The following NSMAF variants were observed in gnomAD, a reference collection of about 807,000 sequenced individuals.
The protein encoded by NSMAF is neutral sphingomyelinase activation associated factor, also known as protein FAN.
Under a neutral mutation model 134.9 loss-of-function variants are expected in NSMAF, and 90 were observed. The ratio of observed to expected loss-of-function variants is 0.67; its 90% CI spans 0.56 to 0.79. The LOEUF (loss-of-function observed/expected upper bound fraction) is 0.79, where lower values mean the gene tolerates loss of function less well. Ranked by LOEUF, NSMAF falls within the 30% of genes least tolerant of loss-of-function variation. The pLI is 0.00. For missense variants in NSMAF, 1,010 were observed against 1,119.0 expected, an observed-to-expected ratio of 0.90 and a Z score of 1.39; for synonymous variants, 358 against 389.6, an observed-to-expected ratio of 0.92 and a Z score of 0.96.
Position 58,594,114 on chromosome 8 carries a change from A to G in NSMAF, c.1951+118T>C, listed in dbSNP as rs114434538. 1,047 of 794,432 alleles carry G rather than the reference A, an allele frequency of 1.3e-3. 11 individuals carry two copies. The African/African-American group carries it at 0.016, about 12-fold the overall frequency. The allele number at this position is 794,432 out of a possible 1,614,324, so 49.2% of individuals were successfully genotyped here. ...AATGTACCACAAAGGAACTGCTCTA[A>G]GTTTACTTTATGTGGAGGCAGCACA... On this transcript the variant is annotated intron_variant, in intron 23 of 30. Transcript: ENST00000038176.
In NSMAF at chr8:58,623,754, C is replaced by A. The variant is rs764905897; in HGVS notation, c.411G>T (p.Leu137Phe). The change falls in exon 7 of 31, where the codon TTG (leucine) becomes TTT (phenylalanine). Residue 137 changes from leucine to phenylalanine, a missense_variant. By Grantham distance (22) the Leu-to-Phe change is conservative. Coordinates refer to ENST00000038176, the MANE Select transcript of NSMAF (RefSeq NM_003580.4). The part of the protein sequence containing the change: ...ERGKMEYVFE[L>F]DVPGKVEDVV... ...CATCTTCCACTTTCCCGGGAACATC[C>A]AATTCAAAAACATATTCCATTTTGC... is the stretch of plus-strand genomic sequence containing the variant. 6.2e-7 allele frequency: 1 copy of A among 1,613,996 alleles called. No homozygotes were observed. The highest frequency in any genetic ancestry group is 1.1e-5 in the South Asian group (1 of 91,064).
chr8:58,631,043 C>CTTT (rs1807046825), intron 6 of NSMAF, among the ~76,000 whole-genome samples: 1 of 152,148 alleles, frequency 6.6e-6, no homozygotes, highest in African/African-American at 2.4e-5. Context: ...TCCCAGGGAA[C>CTTT]CAGACATTGT....
At chr8:58,658,337 C>T (rs1807768625) in intron 1 of NSMAF, among the ~76,000 whole-genome samples, 1 of 152,198 alleles carries the variant, frequency 6.6e-6, no homozygotes, top group African/African-American at 2.4e-5. Context: ...AAAACCTAAT[C>T]ACATCACCAA....
chr8:58,610,908 T>G (rs1031571233), intron 9 of NSMAF, among the ~76,000 whole-genome samples: 1 of 152,110 alleles, frequency 6.6e-6, no homozygotes, highest in Admixed American at 6.5e-5. Flanking sequence ...CTCAATAGAG[T>G]TGTAGGCAGT....
At chr8:58,601,645 T>A in intron 14 of NSMAF, 110 bp from the exon 15 acceptor site, 1 of 1,358,998 alleles carries the variant, frequency 7.4e-7, no homozygotes, top group Non-Finnish European at 9.7e-7. Context: ...CCATATTCCT[T>A]AATTTCTCTG....
intron 1 of NSMAF, among the ~76,000 whole-genome samples, chr8:58,643,711 A>G (rs1331112664): frequency 1.3e-5 from 2 of 152,028 alleles, no homozygotes; most frequent in Admixed American, 6.5e-5. Flanking sequence ...TTGTATTTTT[A>G]GTAGAGACAG....
At chr8:58,590,167 G>T in intron 24 of NSMAF, 93 bp from the exon 25 acceptor site, 1 of 1,070,188 alleles carries the variant, frequency 9.3e-7, no homozygotes, top group Non-Finnish European at 1.4e-6. Flanking sequence ...AAAAATTAAT[G>T]CTCAAATCGT....
rs749085131 is a variant in NSMAF at position 58,586,004 on chromosome 8, C to T, written c.2447-4G>A. The T allele has an allele frequency of 3.7e-6, 6 of 1,607,584 alleles. No homozygotes were observed. Among genetic ancestry groups the T allele is most frequent in the Non-Finnish European group, 5.1e-6 (6 of 1,174,438 alleles). Reference sequence around the variant, plus strand: ...GTGCTGAGGACATGGCGACTATCTGCAACACAAGGTGAGACTCAGATATGA... The same window carrying T: ...GTGCTGAGGACATGGCGACTATCTGTAACACAAGGTGAGACTCAGATATGA... On this transcript the variant is annotated splice_region_variant and splice_polypyrimidine_tract_variant and intron_variant, in intron 28 of 30. Coordinates refer to ENST00000038176, the MANE Select transcript of NSMAF (RefSeq NM_003580.4).
At position 58,586,567 on chromosome 8, in the gene NSMAF, A is replaced by G; in HGVS notation, c.2337T>C (p.Val779=). The change falls in exon 28 of 31, where the codon GTT becomes GTC. Residue 779 remains valine, a synonymous_variant. Transcript: ENST00000038176. ...ISLNAASTLL[V]SGTKEGTVNI... ...TCACTGTGCCTTCTTTGGTGCCGGAAACTAACAGTGTGCTTGCAGCATTTA... is the reference window on the plus strand; with the variant it reads ...TCACTGTGCCTTCTTTGGTGCCGGAGACTAACAGTGTGCTTGCAGCATTTA... 4.3e-6 allele frequency: 7 copies of G among 1,614,024 alleles called. No individual in the cohort carries two copies. The highest frequency in any genetic ancestry group is 5.9e-6 in the Non-Finnish European group (7 of 1,179,956).
intron 1 of NSMAF, among the ~76,000 whole-genome samples, chr8:58,645,113 TA>T (rs11337086): frequency 0.057 from 7,433 of 130,486 alleles, 456 homozygotes; most frequent in African/African-American, 0.17. Flanking sequence ...AAAGTATAAT[TA>T]AAAAAAAAAA....
chr8:58,648,229 C>A (rs1181762770), intron 1 of NSMAF, among the ~76,000 whole-genome samples: 1 of 152,054 alleles, frequency 6.6e-6, no homozygotes, highest in Non-Finnish European at 1.5e-5. Flanking sequence ...GGGTATGTGG[C>A]GGAAGAAATT....
At chr8:58,613,561 A>C (rs533861398) in intron 9 of NSMAF, among the ~76,000 whole-genome samples, 3 of 152,094 alleles carry the variant, frequency 2.0e-5, no homozygotes, top group African/African-American at 4.8e-5. Context: ...GAGCAGAGGA[A>C]CAAAAAAAAA....
intron 5 of NSMAF, among the ~76,000 whole-genome samples, chr8:58,632,196 T>A (rs1006924312): frequency 1.3e-5 from 2 of 152,104 alleles, no homozygotes; most frequent in African/African-American, 4.8e-5. Context: ...CTCTTAGGAT[T>A]ATATACTGCA....
intron 2 of NSMAF, among the ~76,000 whole-genome samples, 194 bp downstream of exon 2, chr8:58,642,790 T>A (rs1020433608): frequency 3.3e-5 from 5 of 152,130 alleles, no homozygotes; most frequent in African/African-American, 1.2e-4. Context: ...GATAAAATAA[T>A]AAACATAGCA....
chr8:58,585,828 G>A, intron 29 of NSMAF, 67 bp from the exon 30 acceptor site: 3 of 1,580,036 alleles, frequency 1.9e-6, no homozygotes, highest in Non-Finnish European at 2.6e-6. Context: ...ACTGGCCAAT[G>A]TAAGCCCAAA....
intron 23 of NSMAF, 71 bp from the exon 24 acceptor site, chr8:58,591,005 CTCT>C (rs1806009560): frequency 4.0e-6 from 6 of 1,481,678 alleles, no homozygotes; most frequent in Non-Finnish European, 3.6e-6. Context: ...AGAACAGCTG[CTCT>C]TCTTGTTCCT....
rs35209612 is a variant in NSMAF, at chr8:58,600,621, C to CAAAA, written c.1281-604_1281-601dup. 0.015 allele frequency among the ~76,000 whole-genome samples: 681 copies of CAAAA among 44,548 alleles called. 88 individuals carry two copies. The East Asian group carries it at 0.19, about 12-fold the overall frequency. 29.2% of individuals were successfully genotyped at this position (44,548 alleles called of 152,430 possible). ...TGGGCGACAGAGCAAGACTCTGTCT[C>CAAAA]AAAAAAAAAAAAAAAAAAAAAAAAA... On this transcript the variant is annotated intron_variant, in intron 16 of 30. Coordinates refer to ENST00000038176, the MANE Select transcript of NSMAF (RefSeq NM_003580.4).
chr8:58,648,409 T>A (rs1050540649), intron 1 of NSMAF, among the ~76,000 whole-genome samples: 3 of 152,116 alleles, frequency 2.0e-5, no homozygotes, highest in Non-Finnish European at 4.4e-5. Context: ...GAAAAAGCAT[T>A]TTCAGGAGAG....
intron 9 of NSMAF, among the ~76,000 whole-genome samples, chr8:58,614,882 C>T (rs1003558032): frequency 2.6e-5 from 4 of 151,988 alleles, no homozygotes; most frequent in Admixed American, 6.6e-5. Flanking sequence ...ATTATCTAAA[C>T]GTTCTTATTG....
Sources: gnomAD v4.1 joint callset for allele counts (sites outside exome capture counted in the v4.1 genomes callset) on GRCh38, gnomAD v4.1.1 for gene constraint, MANE v1.5 for transcripts, NCBI Gene and HGNC (gene_info 2026-07-23, HGNC 2026-07-21) for gene names.